RALGPS1: variants seen among roughly 807,000 people sequenced by gnomAD.
RALGPS1 encodes the protein Ral GEF with PH domain and SH3 binding motif 1.
In RALGPS1, 19 loss-of-function variants were observed where a neutral mutation model predicts 78.8. The ratio of observed to expected loss-of-function variants is 0.24; its 90% confidence interval spans 0.17 to 0.35. The LOEUF is 0.35. RALGPS1 is among the 10% of genes least tolerant of loss of function. The pLI, the probability that RALGPS1 is intolerant of heterozygous loss-of-function variation, is 1.00. For synonymous variants in RALGPS1, 228 were observed against 256.3 expected, an observed-to-expected ratio of 0.89 and a Z score of 1.06; for missense variants, 454 against 688.3, an observed-to-expected ratio of 0.66 and a Z score of 3.81.
intron 8 of RALGPS1, among the ~76,000 whole-genome samples, chr9:127,125,832 C>T (rs2056573804): frequency 6.6e-6 from 1 of 152,150 alleles, no homozygotes; most frequent in Admixed American, 6.5e-5. Context: ...AAAATTTTAT[C>T]AGTAAATGCG....
At position 127,155,303 on chromosome 9, in the gene RALGPS1, G is replaced by T. The variant is rs2058651195; in HGVS notation, c.611-10766G>T. Among the ~76,000 whole-genome samples, 8 of 152,342 alleles carry T rather than the reference G, an allele frequency of 5.3e-5. No homozygotes were observed. The South Asian group carries it at 1.7e-3, about 32-fold the overall frequency. ...CTGGGCCCTTGAGCATGCAGAGATG[G>T]ATAAGGCACAGCCCTTGCCCTGGAT... is the stretch of plus-strand genomic sequence containing the variant. On this transcript the variant is annotated intron_variant, in intron 8 of 18. Transcript: ENST00000259351.
intron 17 of RALGPS1, among the ~76,000 whole-genome samples, chr9:127,214,373 T>C (rs556051180): frequency 6.6e-6 from 1 of 152,358 alleles, no homozygotes; most frequent in East Asian, 1.9e-4. Context: ...TATCGGACCG[T>C]ACTAGATCTG....
chr9:127,201,003 C>A (rs7021393), intron 14 of RALGPS1, among the ~76,000 whole-genome samples: 1 of 152,340 alleles, frequency 6.6e-6, no homozygotes, highest in Non-Finnish European at 1.5e-5. Flanking sequence ...AGACACCACA[C>A]GAGTTACTGA....
At chr9:127,103,918 C>T (rs2053976778) in intron 8 of RALGPS1, among the ~76,000 whole-genome samples, 1 of 152,150 alleles carries the variant, frequency 6.6e-6, no homozygotes, top group Non-Finnish European at 1.5e-5. Context: ...GTAGTTAAAA[C>T]ATACTTTGGT....
chr9:127,151,749 G>GT (rs1323182397), intron 8 of RALGPS1, among the ~76,000 whole-genome samples: 4 of 152,132 alleles, frequency 2.6e-5, no homozygotes, highest in Non-Finnish European at 4.4e-5. Flanking sequence ...AACTCAGAAT[G>GT]TATCTAGGGA....
intron 11 of RALGPS1, chr9:127,184,106 A>G (rs1354723320): frequency 6.7e-7 from 1 of 1,499,424 alleles, no homozygotes. Flanking sequence ...CAGGAGGATC[A>G]CTTGAGCCCA....
chr9:127,081,327 C>T (rs1364497692), intron 8 of RALGPS1, among the ~76,000 whole-genome samples: 1 of 152,220 alleles, frequency 6.6e-6, no homozygotes, highest in African/African-American at 2.4e-5. Context: ...ATCAGCCACC[C>T]TCTGCCCTTG....
chr9:127,168,889 T>A (rs2059423536), intron 10 of RALGPS1, 117 bp downstream of exon 10: 1 of 774,416 alleles, frequency 1.3e-6, no homozygotes, highest in African/African-American at 1.7e-5. Flanking sequence ...CCTGCAGGGC[T>A]TATCAGAGTC....
At chr9:127,170,244 T>G (rs2059500360) in intron 10 of RALGPS1, among the ~76,000 whole-genome samples, 2 of 152,196 alleles carry the variant, frequency 1.3e-5, no homozygotes, top group South Asian at 4.1e-4. Flanking sequence ...GTGTCCCACC[T>G]GGTCAGCTTT....
chr9:127,117,190 CCATT>C (rs1275710934), intron 8 of RALGPS1, among the ~76,000 whole-genome samples: 5 of 152,220 alleles, frequency 3.3e-5, no homozygotes, highest in African/African-American at 1.2e-4. Flanking sequence ...ATGAAGCCAT[CCATT>C]CAGTGAGGTC....
chr9:127,011,708 A>G lies in RALGPS1; in HGVS notation c.217-22723A>G, dbSNP rs1388751513. Among the ~76,000 whole-genome samples, 4 of 152,182 alleles carry G rather than the reference A, an allele frequency of 2.6e-5. No homozygotes were observed. The East Asian group carries it at 5.8e-4, about 22-fold the overall frequency. On this transcript the variant is annotated intron_variant, in intron 4 of 18. Transcript: ENST00000259351. Reference sequence around the variant, plus strand: ...ACCCTAAGAAATTTAAAAAATAAATACTTTTATAGGACCATAGGATTTTAC... The same window carrying G: ...ACCCTAAGAAATTTAAAAAATAAATGCTTTTATAGGACCATAGGATTTTAC...
At chr9:127,217,268 T>G in intron 18 of RALGPS1, 2 of 1,162,988 alleles carry the variant, frequency 1.7e-6, no homozygotes, top group Non-Finnish European at 2.1e-6. Flanking sequence ...TCCCCCTTTT[T>G]TATTTCTAAT....
Position 127,214,762 on chromosome 9 carries a change from A to C in RALGPS1, c.1564A>C (p.Lys522Gln). ...LNNPDKGNVY[K>Q]FQTGSRFHAI... is the part of the protein sequence containing the mutation. ...TCTCTACCCATCAGGCAATGTTTACAAGTTTCAGACTGGTTCCCGATTTCA... is the reference window on the plus strand; with the variant it reads ...TCTCTACCCATCAGGCAATGTTTACCAGTTTCAGACTGGTTCCCGATTTCA... Residue 522 changes from lysine (K) to glutamine (Q), a missense_variant, in exon 18 of 19, where the codon AAG (lysine) becomes CAG (glutamine). By Grantham distance (53) the Lys-to-Gln change is moderately conservative. Transcript: ENST00000259351. 1 of 1,609,616 alleles carries C rather than the reference A, an allele frequency of 6.2e-7. No individual in the cohort carries two copies. The highest frequency in any genetic ancestry group is 8.5e-7 in the Non-Finnish European group (1 of 1,178,414).
intron 10 of RALGPS1, among the ~76,000 whole-genome samples, chr9:127,172,554 C>T (rs556649608): frequency 3.9e-4 from 59 of 152,312 alleles, no homozygotes; most frequent in African/African-American, 1.3e-3. Flanking sequence ...GGAATCCGTC[C>T]GTGTTGGATG....
chr9:126,943,387 C>T (rs1165391526), intron 1 of RALGPS1, among the ~76,000 whole-genome samples: 1 of 152,138 alleles, frequency 6.6e-6, no homozygotes, highest in Non-Finnish European at 1.5e-5. Flanking sequence ...AAGTGATCTG[C>T]CCTCCTTGGC....
At chr9:127,093,870 A>T in intron 8 of RALGPS1, 1 of 1,614,098 alleles carries the variant, frequency 6.2e-7, no homozygotes, top group East Asian at 2.2e-5. Context: ...TTCACCAGGT[A>T]GATGGAGCTG....
intron 17 of RALGPS1, 110 bp downstream of exon 17, chr9:127,213,159 T>C: frequency 6.7e-7 from 1 of 1,500,628 alleles, no homozygotes; most frequent in Non-Finnish European, 8.9e-7. Flanking sequence ...TGCCTTCCCT[T>C]TGCTTTAGAT....
At chr9:127,047,979 A>G (rs539204207) in intron 5 of RALGPS1, among the ~76,000 whole-genome samples, 2 of 152,296 alleles carry the variant, frequency 1.3e-5, no homozygotes, top group East Asian at 3.9e-4. Context: ...GTCCTTCAGC[A>G]TGGCACTGGC....
intron 14 of RALGPS1, among the ~76,000 whole-genome samples, chr9:127,209,213 G>A (rs972496826): frequency 4.6e-5 from 7 of 152,240 alleles, no homozygotes; most frequent in Admixed American, 3.3e-4. Flanking sequence ...AAGAAGAGCA[G>A]CCCCGGAGGT....
Sources: gnomAD v4.1 joint callset for allele counts (sites outside exome capture counted in the v4.1 genomes callset) on GRCh38, gnomAD v4.1.1 for gene constraint, MANE v1.5 for transcripts, NCBI Gene and HGNC (gene_info 2026-07-23, HGNC 2026-07-21) for gene names.